INKA2: variants seen among roughly 807,000 people sequenced by gnomAD.
INKA2 encodes the protein PAK4-inhibitor INKA2.
In INKA2, 3 loss-of-function variants were observed where a neutral mutation model predicts 9.8. The ratio of observed to expected loss-of-function variants is 0.31; its 90% CI spans 0.14 to 0.79. The LOEUF (loss-of-function observed/expected upper bound fraction) is 0.79, where lower values mean the gene tolerates loss of function less well. INKA2 is among the 30% of genes least tolerant of loss of function. The pLI is 0.62. For synonymous variants in INKA2, 147 were observed against 143.3 expected (o/e 1.03, Z -0.18); for missense variants, 392 against 384.4 (o/e 1.02, Z -0.17).
intron 1 of INKA2, among the ~76,000 whole-genome samples, chr1:111,744,823 G>A (rs34635815): frequency 0.034 from 5,101 of 152,116 alleles, 125 homozygotes; most frequent in East Asian, 0.073. Flanking sequence ...CTCGTGATCT[G>A]CCCGCCTCGT....
At position 111,726,991 on chromosome 1, in the gene INKA2, T is replaced by C. The variant is rs745388675; in HGVS notation, c.871A>G (p.Ile291Val). Reference protein sequence around the residue: ...ALEHSPSGFDINTAVWV With the variant: ...ALEHSPSGFDVNTAVWV ...ATTCAGACCCAAACAGCTGTGTTAATATCAAATCCTGAGGGTGAGTGCTCC... is the reference window on the plus strand; with the variant it reads ...ATTCAGACCCAAACAGCTGTGTTAACATCAAATCCTGAGGGTGAGTGCTCC... The change falls in exon 2 of 2, where the codon ATT (isoleucine) becomes GTT (valine). Residue 291 changes from isoleucine (I) to valine (V), a missense_variant. By Grantham distance (29) the Ile-to-Val change is conservative. Transcript: ENST00000357260. 1.1e-5 allele frequency: 17 copies of C among 1,613,612 alleles called. No homozygotes were observed. The highest frequency in any genetic ancestry group is 2.7e-5 in the African/African-American group (2 of 74,906).
At chr1:111,732,568 T>TTCACACACACAC (rs1662931845) in intron 1 of INKA2, among the ~76,000 whole-genome samples, 1 of 142,864 alleles carries the variant, frequency 7.0e-6, no homozygotes, top group Non-Finnish European at 1.5e-5. Flanking sequence ...CTCTCTCTGT[T>TTCACACACACAC]ACACACACAC....
chr1:111,727,815 G>T lies in INKA2; in HGVS notation c.58-11C>A. ...CTCCTTCATGGACATCTGCAGGGGA[G>T]AGAGAAAGCATGGGGCCTATGAGCC... On this transcript the variant is annotated splice_polypyrimidine_tract_variant and intron_variant, in intron 1 of 1. Transcript: ENST00000357260. 1 of 1,601,238 alleles carries T rather than the reference G, an allele frequency of 6.2e-7. No homozygotes were observed. Among genetic ancestry groups the T allele is most frequent in the South Asian group, 1.1e-5 (1 of 91,056 alleles).
chr1:111,731,715 A>G (rs1024531446), intron 1 of INKA2, among the ~76,000 whole-genome samples: 1 of 152,222 alleles, frequency 6.6e-6, no homozygotes, highest in Non-Finnish European at 1.5e-5. Context: ...TGTGCAGATT[A>G]GGTGAGGTAA....
At chr1:111,746,330 A>G (rs1157964213) in intron 1 of INKA2, 1 of 152,266 alleles carries the variant, frequency 6.6e-6, no homozygotes, top group East Asian at 1.9e-4. Context: ...GCCGCCGCTT[A>G]ACAAGTGAAG....
intron 1 of INKA2, among the ~76,000 whole-genome samples, chr1:111,729,597 T>C (rs1211924594): frequency 6.6e-6 from 1 of 152,216 alleles, no homozygotes. Context: ...GCCAGCTCCC[T>C]CCCCAGCTCC....
Position 111,755,571 on chromosome 1 carries a change from A to G in INKA2, n.124+130T>C, listed in dbSNP as rs772094207. On this transcript the variant is annotated intron_variant and non_coding_transcript_variant, in intron 1 of 1. Transcript: ENST00000444059. ...GGCGTGACGCACCGGGCGCATCACA[A>G]AGAACGGCGAGAGGGCGGTGGCGCC... 413 of 1,076,456 alleles carry G rather than the reference A, an allele frequency of 3.8e-4. 1 individual carries two copies. Among genetic ancestry groups the G allele is most frequent in the Non-Finnish European group, 5.1e-4 (392 of 764,294 alleles). The allele number at this position is 1,076,456 out of a possible 1,614,324, so 66.7% of individuals were successfully genotyped here. A position where few individuals can be genotyped will look rare whatever the true frequency, so the allele number is the denominator to read the frequency against.
At position 111,727,042 on chromosome 1, in the gene INKA2, G is replaced by T; in HGVS notation, c.820C>A (p.Pro274Thr). ...GTGEHRRGENPPTSCPKALEH... is the reference protein window; with the variant it reads ...GTGEHRRGENTPTSCPKALEH... ...AGGGCCTTGGGGCAGCTTGTGGGGG[G>T]ATTCTCCCCTCGCCTGTGCTCCCCG... Residue 274 changes from proline (P) to threonine (T), a missense_variant, in exon 2 of 2, where the codon CCC becomes ACC. Transcript: ENST00000357260. 6.2e-7 allele frequency: 1 copy of T among 1,614,042 alleles called. No homozygotes were observed. The highest frequency in any genetic ancestry group is 1.1e-5 in the South Asian group (1 of 91,078).
intron 1 of INKA2, chr1:111,745,293 A>ATATATATATATATATATATTTTT (rs1358304932): frequency 2.0e-5 from 1 of 49,272 alleles, no homozygotes; most frequent in Non-Finnish European, 3.7e-5. Flanking sequence ...ATATATATAT[A>ATATATATATATATATATATTTTT]TTTTTTTTTT....
chr1:111,752,229 A>G (rs1438550707), intron 1 of INKA2, among the ~76,000 whole-genome samples: 3 of 152,184 alleles, frequency 2.0e-5, no homozygotes, highest in Non-Finnish European at 2.9e-5. Flanking sequence ...ATTCTCTACA[A>G]GGGCAAAATG....
At position 111,725,909 on chromosome 1, in the gene INKA2, A is replaced by C; in HGVS notation, c.*1059T>G. On this transcript the variant is annotated 3_prime_UTR_variant, in exon 2 of 2. Transcript: ENST00000357260. ...CACCACGCCTGGCTAATTTTTACGT[A>C]TTTTTTTAGTAGAGACGGGGTTTCA... is the stretch of plus-strand genomic sequence containing the variant. 1 of 360,458 alleles carries C rather than the reference A, an allele frequency of 2.8e-6. No homozygotes were observed. The highest frequency in any genetic ancestry group is 4.0e-5 in the East Asian group (1 of 24,910). The allele number at this position is 360,458 out of a possible 1,614,324, so 22.3% of individuals were successfully genotyped here. A position where few individuals can be genotyped will look rare whatever the true frequency, so the allele number is the denominator to read the frequency against.
chr1:111,737,636 A>G (rs1011981979), intron 1 of INKA2, among the ~76,000 whole-genome samples: 2 of 152,234 alleles, frequency 1.3e-5, no homozygotes, highest in Non-Finnish European at 2.9e-5. Context: ...CAGCCATCCC[A>G]ATCTGGCATG....
intron 1 of INKA2, among the ~76,000 whole-genome samples, chr1:111,751,678 T>G (rs1337541973): frequency 6.6e-6 from 1 of 152,208 alleles, no homozygotes; most frequent in Admixed American, 6.5e-5. Context: ...CATCAAAGCT[T>G]ACTGTCCCAT....
At chr1:111,730,213 C>G (rs1207987215) in intron 1 of INKA2, among the ~76,000 whole-genome samples, 2 of 152,200 alleles carry the variant, frequency 1.3e-5, no homozygotes, top group South Asian at 2.1e-4. Flanking sequence ...AGAGGAGACT[C>G]TAAGCCCCAG....
intron 1 of INKA2, among the ~76,000 whole-genome samples, chr1:111,733,516 G>A (rs1228400834): frequency 6.6e-6 from 1 of 152,226 alleles, no homozygotes; most frequent in Non-Finnish European, 1.5e-5. Context: ...CACCAGATGG[G>A]GAGGAAGAAC....
At chr1:111,739,491 G>T, upstream of INKA2, 1 of 1,305,618 alleles carries the variant, frequency 7.7e-7, no homozygotes, top group Non-Finnish European at 1.0e-6. Context: ...TTCAGCCAAT[G>T]GGCAGGGCGG....
intron 1 of INKA2, among the ~76,000 whole-genome samples, chr1:111,748,174 G>A (rs906728331): frequency 6.6e-6 from 1 of 152,154 alleles, no homozygotes; most frequent in South Asian, 2.1e-4. Flanking sequence ...TTTTCCTGAC[G>A]GCCCATGAAG....
chr1:111,755,614 G>T, intron 1 of INKA2: 1 of 1,536,732 alleles, frequency 6.5e-7, no homozygotes. Flanking sequence ...CGGCTGGGCG[G>T]CTCCGCCCAG....
chr1:111,736,159 G>A (rs1663004213), intron 1 of INKA2, among the ~76,000 whole-genome samples: 1 of 152,178 alleles, frequency 6.6e-6, no homozygotes, highest in Admixed American at 6.5e-5. Flanking sequence ...GTTCCCTGCT[G>A]AGCTGTTGCA....
Sources: gnomAD v4.1 joint callset for allele counts (sites outside exome capture counted in the v4.1 genomes callset) on GRCh38, gnomAD v4.1.1 for gene constraint, MANE v1.5 for transcripts, NCBI Gene and HGNC (gene_info 2026-07-23, HGNC 2026-07-21) for gene names.